KCNQ5: variants seen among roughly 807,000 people sequenced by gnomAD.
The protein encoded by KCNQ5 is potassium voltage-gated channel subfamily KQT member 5.
Under a neutral mutation model 98.2 loss-of-function variants are expected in KCNQ5, and 30 were observed. The ratio of observed to expected loss-of-function variants is 0.31; its 90% CI spans 0.23 to 0.41. The LOEUF is 0.41. Among genes scored for constraint, KCNQ5 ranks in the 10% least tolerant of loss-of-function variants. KCNQ5 has a pLI of 1.00. For synonymous variants in KCNQ5, 458 were observed against 449.4 expected, an observed-to-expected ratio of 1.02 and a Z score of -0.24; for missense variants, 835 against 1,182.5, an observed-to-expected ratio of 0.71 and a Z score of 4.31.
intron 1 of KCNQ5, among the ~76,000 whole-genome samples, chr6:72,992,798 C>T (rs1304154794): frequency 2.7e-5 from 3 of 109,648 alleles, no homozygotes; most frequent in Non-Finnish European, 5.3e-5. Context: ...CGGCTGGTAC[C>T]GGTTGTTCCT....
At chr6:72,740,598 A>G (rs910355) in intron 1 of KCNQ5, among the ~76,000 whole-genome samples, 2,163 of 152,202 alleles carry the variant, frequency 0.014, 38 homozygotes, top group African/African-American at 0.048. Flanking sequence ...GGCAATGGAT[A>G]TAGTTGAGCA....
chr6:72,971,007 C>T (rs1050282256), intron 1 of KCNQ5, among the ~76,000 whole-genome samples: 1 of 152,086 alleles, frequency 6.6e-6, no homozygotes, highest in African/African-American at 2.4e-5. Flanking sequence ...ATGGGATCTA[C>T]TTAAACTAAA....
rs1769547575 is a variant in KCNQ5, at chr6:72,714,630, CCTT to C, written c.398+92044_398+92046del. On this transcript the variant is annotated intron_variant, in intron 1 of 13. Transcript: ENST00000370398. The stretch of plus-strand genomic sequence containing the variant: ...TTTTTATCATGAGTATGGATAGTTA[CCTT>C]GGGTATTGTTTGATAGCTAAAGTGC... 3.3e-5 allele frequency among the ~76,000 whole-genome samples: 5 copies of C among 152,174 alleles called. No individual in the cohort carries two copies. In the South Asian group the frequency reaches 1.0e-3, roughly 32 times the overall value.
chr6:72,987,075 G>C, intron 1 of KCNQ5: 1 of 698,268 alleles, frequency 1.4e-6, no homozygotes. Context: ...CCCTAGGAAA[G>C]GAAGTAAAAC....
chr6:72,949,259 T>C (rs1766686606), intron 1 of KCNQ5, among the ~76,000 whole-genome samples: 1 of 152,192 alleles, frequency 6.6e-6, no homozygotes, highest in Non-Finnish European at 1.5e-5. Context: ...TTTCCTCTTT[T>C]GGAGATATTG....
At chr6:73,047,496 A>C (rs1432358497) in intron 3 of KCNQ5, among the ~76,000 whole-genome samples, 3 of 152,246 alleles carry the variant, frequency 2.0e-5, no homozygotes, top group African/African-American at 7.2e-5. Context: ...GGTAATTTAG[A>C]TAATTGTTGA....
chr6:72,712,860 A>G (rs943513137), intron 1 of KCNQ5, among the ~76,000 whole-genome samples: 1 of 152,206 alleles, frequency 6.6e-6, no homozygotes, highest in East Asian at 1.9e-4. Context: ...GAGCAGTAAA[A>G]CAATTTTATA....
intron 5 of KCNQ5, among the ~76,000 whole-genome samples, chr6:73,099,697 C>T (rs1774679287): frequency 1.3e-5 from 2 of 152,096 alleles, no homozygotes; most frequent in Non-Finnish European, 2.9e-5. Flanking sequence ...ATTATTAGAG[C>T]AAAAGAGAGA....
chr6:72,722,400 A>C (rs369478714), intron 1 of KCNQ5, among the ~76,000 whole-genome samples: 2 of 152,194 alleles, frequency 1.3e-5, no homozygotes, highest in African/African-American at 4.8e-5. Flanking sequence ...TGTGCAATTT[A>C]TTGTGCATCC....
At chr6:73,082,507 T>C in intron 5 of KCNQ5, among the ~76,000 whole-genome samples, 1 of 152,112 alleles carries the variant, frequency 6.6e-6, no homozygotes, top group East Asian at 1.9e-4. Context: ...TCTTACAAGC[T>C]CTGGAATGAG....
chr6:72,968,667 A>G (rs767394835), intron 1 of KCNQ5, among the ~76,000 whole-genome samples: 9 of 152,202 alleles, frequency 5.9e-5, no homozygotes, highest in Non-Finnish European at 8.8e-5. Context: ...TAATCCAGAG[A>G]TATTCTCCTA....
At chr6:72,623,562 A>G (rs1264221866) in intron 1 of KCNQ5, among the ~76,000 whole-genome samples, 2 of 152,174 alleles carry the variant, frequency 1.3e-5, no homozygotes, top group Non-Finnish European at 2.9e-5. Flanking sequence ...AAGTCCATTC[A>G]TTCAGTCTCC....
intron 1 of KCNQ5, among the ~76,000 whole-genome samples, chr6:72,741,227 A>T (rs1582203905): frequency 1.3e-5 from 2 of 152,324 alleles, no homozygotes; most frequent in East Asian, 3.9e-4. Flanking sequence ...AAGAAGCTCC[A>T]TGGTTAAGGT....
intron 11 of KCNQ5, among the ~76,000 whole-genome samples, chr6:73,171,946 G>A (rs1327624646): frequency 1.3e-5 from 2 of 152,148 alleles, no homozygotes; most frequent in Non-Finnish European, 1.5e-5. Context: ...CCTATAAAAA[G>A]GATTGTGAGC....
At chr6:73,164,663 T>C (rs1582472239) in intron 10 of KCNQ5, among the ~76,000 whole-genome samples, 1 of 152,252 alleles carries the variant, frequency 6.6e-6, no homozygotes, top group African/African-American at 2.4e-5. Context: ...TTTGTGCTTA[T>C]TGTGACAGTA....
intron 1 of KCNQ5, among the ~76,000 whole-genome samples, chr6:72,753,538 A>G (rs538822627): frequency 6.6e-6 from 1 of 152,180 alleles, no homozygotes; most frequent in East Asian, 1.9e-4. Flanking sequence ...TTGCTGTACC[A>G]TTTTACATTC....
intron 11 of KCNQ5, among the ~76,000 whole-genome samples, chr6:73,185,236 T>C (rs1778528805): frequency 6.6e-6 from 1 of 152,182 alleles, no homozygotes; most frequent in South Asian, 2.1e-4. Context: ...TGGAGTGCAG[T>C]GGCAAGACTG....
At chr6:73,132,045 G>A (rs565570983) in intron 9 of KCNQ5, among the ~76,000 whole-genome samples, 15 of 152,242 alleles carry the variant, frequency 9.9e-5, no homozygotes, top group East Asian at 1.9e-4. Flanking sequence ...TTAGAATATC[G>A]TTTGTTAAGC....
At chr6:73,159,296 G>A (rs1194213860) in intron 10 of KCNQ5, among the ~76,000 whole-genome samples, 1 of 152,154 alleles carries the variant, frequency 6.6e-6, no homozygotes, top group Non-Finnish European at 1.5e-5. Context: ...AGCTAAATGA[G>A]GAGAACACAT....
Sources: gnomAD v4.1 joint callset for allele counts (sites outside exome capture counted in the v4.1 genomes callset) on GRCh38, gnomAD v4.1.1 for gene constraint, MANE v1.5 for transcripts, NCBI Gene and HGNC (gene_info 2026-07-23, HGNC 2026-07-21) for gene names.